SPOCK1: variants seen among roughly 807,000 people sequenced by gnomAD.
SPOCK1 encodes the protein testican-1.
Under a neutral mutation model 55.3 loss-of-function variants are expected in SPOCK1, and 23 were observed. That is an observed-to-expected ratio of 0.42 (90% CI 0.30 to 0.59). SPOCK1 has a LOEUF of 0.59. Ranked by LOEUF, SPOCK1 falls within the 20% of genes least tolerant of loss-of-function variation. The pLI is 0.22. For missense variants in SPOCK1, 499 were observed against 552.5 expected, an observed-to-expected ratio of 0.90 and a Z score of 0.97; for synonymous variants, 226 against 221.0, an observed-to-expected ratio of 1.02 and a Z score of -0.20.
chr5:137,312,116 T>A (rs531825374), intron 2 of SPOCK1, among the ~76,000 whole-genome samples: 1 of 152,250 alleles, frequency 6.6e-6, no homozygotes, highest in Admixed American at 6.5e-5. Flanking sequence ...GGGTACTTCT[T>A]TTTCAAAGAG....
chr5:137,138,703 C>CG (rs1754037196), intron 4 of SPOCK1, among the ~76,000 whole-genome samples: 1 of 8,858 alleles, frequency 1.1e-4, no homozygotes, highest in Non-Finnish European at 2.4e-4. Flanking sequence ...AAATAATAAC[C>CG]CCCCCCCCCC....
intron 6 of SPOCK1, among the ~76,000 whole-genome samples, chr5:137,008,243 C>T (rs758593155): frequency 1.7e-4 from 26 of 150,744 alleles, no homozygotes; most frequent in African/African-American, 5.6e-4. Context: ...ACCTGTGTGA[C>T]AAAACTGCAT....
At chr5:137,015,207 C>A (rs913940614) in intron 6 of SPOCK1, among the ~76,000 whole-genome samples, 1 of 150,876 alleles carries the variant, frequency 6.6e-6, no homozygotes, top group Non-Finnish European at 1.5e-5. Context: ...TTTGGGAGGC[C>A]GAGGTGGGCA....
intron 6 of SPOCK1, among the ~76,000 whole-genome samples, chr5:137,036,905 G>A (rs1041438326): frequency 9.9e-5 from 15 of 152,116 alleles, no homozygotes; most frequent in Non-Finnish European, 1.8e-4. Context: ...TAGCAACAAT[G>A]AGTCCCATTC....
chr5:136,985,016 A>AAAAC, intron 9 of SPOCK1, 124 bp downstream of exon 9: 8 of 1,017,356 alleles, frequency 7.9e-6, no homozygotes, highest in Middle Eastern at 2.1e-4. Flanking sequence ...GCCTGGGGTT[A>AAAAC]AAACAAGGCA....
chr5:137,176,736 C>A (rs951403002), intron 3 of SPOCK1, among the ~76,000 whole-genome samples: 2 of 151,990 alleles, frequency 1.3e-5, no homozygotes, highest in African/African-American at 4.8e-5. Context: ...TGAAGGCTGG[C>A]ATGGATAGAA....
At chr5:137,129,448 T>C (rs544843821) in intron 4 of SPOCK1, among the ~76,000 whole-genome samples, 1 of 151,568 alleles carries the variant, frequency 6.6e-6, no homozygotes, top group Admixed American at 6.6e-5. Context: ...CAGACAGGAG[T>C]TTTCTTGCTC....
At chr5:137,088,833 A>C (rs1215409031) in intron 5 of SPOCK1, among the ~76,000 whole-genome samples, 2 of 152,196 alleles carry the variant, frequency 1.3e-5, no homozygotes, top group Non-Finnish European at 2.9e-5. Context: ...AGAATCTTCC[A>C]GGTGGATGTG....
At chr5:137,030,245 C>T (rs1431578839) in intron 6 of SPOCK1, among the ~76,000 whole-genome samples, 2 of 152,266 alleles carry the variant, frequency 1.3e-5, no homozygotes, top group African/African-American at 2.4e-5. Context: ...CTTGGCCCTA[C>T]GGCCATCCAA....
chr5:136,992,607 A>G lies in SPOCK1; in HGVS notation c.590-7T>C, dbSNP rs776019754. On this transcript the variant is annotated splice_region_variant and splice_polypyrimidine_tract_variant and intron_variant, in intron 6 of 10. Transcript: ENST00000394945. ...AACTCCTTGTCTGTGCAGGCTAGAG[A>G]AAAGCAAACAGAACAGACAATGGGG... is the stretch of plus-strand genomic sequence containing the variant. The G allele has an allele frequency of 1.9e-6, 3 of 1,608,806 alleles. No individual in the cohort carries two copies. The highest frequency in any genetic ancestry group is 2.7e-5 in the African/African-American group (2 of 74,680).
intron 3 of SPOCK1, among the ~76,000 whole-genome samples, chr5:137,170,597 C>A (rs1354928525): frequency 6.7e-6 from 1 of 150,332 alleles, no homozygotes; most frequent in Non-Finnish European, 1.5e-5. Context: ...TTCTCTCTCT[C>A]TCTCTCTCTC....
At chr5:137,496,931 TG>T (rs1469887891) in intron 2 of SPOCK1, among the ~76,000 whole-genome samples, 1 of 152,176 alleles carries the variant, frequency 6.6e-6, no homozygotes, top group Non-Finnish European at 1.5e-5. Context: ...TCATTGAAAG[TG>T]TTTGAAATCC....
rs149094787 is a variant in SPOCK1, at chr5:137,387,045, C to A, written c.186+111328G>T. Among the ~76,000 whole-genome samples the A allele has an allele frequency of 4.9e-3, 746 of 152,206 alleles. 7 individuals are homozygous for A. Among genetic ancestry groups the A allele is most frequent in the African/African-American group, 0.014 (582 of 41,530 alleles). Reference sequence around the variant, plus strand: ...AGAAGACATACAGGTGGCAAATAAGCCTATGAAAAGATGCTTCACATCATG... The same window carrying A: ...AGAAGACATACAGGTGGCAAATAAGACTATGAAAAGATGCTTCACATCATG... On this transcript the variant is annotated intron_variant, in intron 2 of 10. Transcript: ENST00000394945.
At chr5:137,163,223 G>A (rs967686964) in intron 3 of SPOCK1, among the ~76,000 whole-genome samples, 5 of 152,210 alleles carry the variant, frequency 3.3e-5, no homozygotes, top group African/African-American at 1.2e-4. Flanking sequence ...CCAAGCACTG[G>A]TTTTGGTGCT....
chr5:137,398,415 T>A (rs148745110), intron 2 of SPOCK1, among the ~76,000 whole-genome samples: 51 of 152,340 alleles, frequency 3.3e-4, no homozygotes, highest in African/African-American at 1.2e-3. Flanking sequence ...GTAATGTGAT[T>A]GTATCTGGCA....
intron 3 of SPOCK1, among the ~76,000 whole-genome samples, chr5:137,226,753 T>C (rs575582633): frequency 3.4e-4 from 52 of 152,234 alleles, no homozygotes; most frequent in Non-Finnish European, 5.4e-4. Context: ...CTGCTTTCTC[T>C]AGATGTTTAA....
intron 3 of SPOCK1, among the ~76,000 whole-genome samples, chr5:137,159,708 A>G (rs989742226): frequency 7.2e-5 from 11 of 152,158 alleles, no homozygotes; most frequent in African/African-American, 2.2e-4. Context: ...TCTACGGTGT[A>G]TATATACCAC....
At chr5:137,238,337 C>T (rs919949733) in intron 3 of SPOCK1, among the ~76,000 whole-genome samples, 4 of 152,198 alleles carry the variant, frequency 2.6e-5, no homozygotes, top group African/African-American at 9.7e-5. Flanking sequence ...ACACTGCAGT[C>T]CTTGAAACCA....
chr5:137,321,160 G>A (rs745565884), intron 2 of SPOCK1, among the ~76,000 whole-genome samples: 3 of 149,940 alleles, frequency 2.0e-5, no homozygotes, highest in Non-Finnish European at 4.4e-5. Context: ...TCAGAGACAG[G>A]TCATTGGAAA....
Sources: allele counts gnomAD v4.1 joint callset (sites outside exome capture counted in the v4.1 genomes callset), GRCh38; gene constraint gnomAD v4.1.1; transcripts MANE v1.5; gene names NCBI Gene and HGNC (gene_info 2026-07-23, HGNC 2026-07-21).